Variants in ACADS observed in about 807,000 individuals in gnomAD.
ACADS encodes the protein acyl-CoA dehydrogenase short chain.
ACADS carries 28 observed loss-of-function variants against 46.8 expected under a neutral mutation model. The observed-to-expected ratio is 0.60, with a 90% confidence interval of 0.44 to 0.82. ACADS has a LOEUF of 0.82. ACADS is among the 40% of genes least tolerant of loss of function. The pLI is 0.00. For synonymous variants in ACADS, 236 were observed against 237.7 expected, an observed-to-expected ratio of 0.99 and a Z score of 0.07; for missense variants, 528 against 578.0, an observed-to-expected ratio of 0.91 and a Z score of 0.89.
chr12:120,730,386 G>A (rs1883214757), intron 2 of ACADS, among the ~76,000 whole-genome samples: 1 of 152,278 alleles, frequency 6.6e-6, no homozygotes, highest in South Asian at 2.1e-4. Context: ...TTTGGGTGTG[G>A]GAATTGTGAA....
intron 2 of ACADS, among the ~76,000 whole-genome samples, chr12:120,735,205 G>A (rs1382845405): frequency 4.1e-5 from 6 of 147,090 alleles, no homozygotes; most frequent in African/African-American, 1.2e-4. Context: ...CCAGGAGGTG[G>A]AGGTTGCAGT....
At position 120,739,393 on chromosome 12, in the gene ACADS, G is replaced by GC. The variant is rs1200879795; in HGVS notation, c.1185dup (p.Glu396ArgfsTer95). On this transcript the variant is annotated frameshift_variant, in exon 10 of 10. Coordinates refer to ENST00000242592, the MANE Select transcript of ACADS (RefSeq NM_000017.4). LOFTEE classifies it high-confidence loss of function. ...ATCACTGAGATCTACGAGGGCACCA[G>GC]CGAAATCCAGCGGCTGGTGATCGCC... The GC allele has an allele frequency of 6.2e-7, 1 of 1,612,650 alleles. No individual in the cohort carries two copies. The highest frequency in any genetic ancestry group is 8.5e-7 in the Non-Finnish European group (1 of 1,179,948).
intron 2 of ACADS, among the ~76,000 whole-genome samples, chr12:120,730,905 A>G (rs1481500688): frequency 6.6e-6 from 1 of 152,196 alleles, no homozygotes; most frequent in Non-Finnish European, 1.5e-5. Flanking sequence ...GGTGAGGTTC[A>G]TGCCTAGGCC....
At position 120,733,088 on chromosome 12, in the gene ACADS, G is replaced by A. The variant is rs558645488; in HGVS notation, c.211-3898G>A. The stretch of plus-strand genomic sequence containing the variant: ...AATACGAAAACCAGTCAGGCGTGGC[G>A]GCGCGCGCCTGCAATCGCAGGCACT... On this transcript the variant is annotated intron_variant, in intron 2 of 9. Transcript: ENST00000242592. Among the ~76,000 whole-genome samples, 932 of 152,362 alleles carry A rather than the reference G, an allele frequency of 6.1e-3. 6 individuals carry two copies. Among genetic ancestry groups the A allele is most frequent in the Admixed American group, 9.9e-3 (151 of 15,308 alleles).
intron 8 of ACADS, 81 bp from the exon 9 acceptor site, chr12:120,739,058 GC>G: frequency 6.2e-7 from 1 of 1,601,872 alleles, no homozygotes; most frequent in Non-Finnish European, 8.5e-7. Context: ...GGCTCCACAG[GC>G]CTCCCCTGCT....
intron 2 of ACADS, among the ~76,000 whole-genome samples, chr12:120,729,812 TGG>T (rs936877810): frequency 1.3e-5 from 2 of 151,974 alleles, no homozygotes; most frequent in Admixed American, 1.3e-4. Context: ...ACTGATAAAA[TGG>T]GGTGAGGTGA....
Position 120,738,657 on chromosome 12 carries a change from TC to T in ACADS, c.922del (p.Gln308ArgfsTer20). On this transcript the variant is annotated frameshift_variant, in exon 7 of 10. Transcript: ENST00000242592. LOFTEE classifies it high-confidence loss of function. ...GCCTTCGGGGCGCCCCTCACCAAGCTCCAGGTCATCCAGGTAATGGTGGCAG... is the reference window on the plus strand; with the variant it reads ...GCCTTCGGGGCGCCCCTCACCAAGCTCAGGTCATCCAGGTAATGGTGGCAG... The part of the protein sequence containing the change: ...RMAFGAPLTK[L>X]QVIQFKLADM... 1 of 1,611,982 alleles carries T rather than the reference TC, an allele frequency of 6.2e-7. No individual in the cohort carries two copies.
chr12:120,737,224 C>G, intron 3 of ACADS, 89 bp downstream of exon 3: 1 of 1,537,742 alleles, frequency 6.5e-7, no homozygotes, highest in South Asian at 1.2e-5. Flanking sequence ...CAGCCCTGAT[C>G]TCTCTGGAGA....
At position 120,728,340 on chromosome 12, in the gene ACADS, C is replaced by T. The variant is rs143241966; in HGVS notation, c.210+1151C>T. On this transcript the variant is annotated intron_variant, in intron 2 of 9. Coordinates refer to ENST00000242592, the MANE Select transcript of ACADS (RefSeq NM_000017.4). This position sits in a 1 kb window ranked among gnomAD's most constrained non-coding sequence, Gnocchi z 4.0. ...TTTGCATTCAGTCTGTCTGCAGCTA[C>T]GCGTTGAAGATGTTACTGCCGTACA... Among the ~76,000 whole-genome samples the T allele has an allele frequency of 5.3e-4, 80 of 152,228 alleles. 1 individual carries two copies. The highest frequency in any genetic ancestry group is 1.6e-3 in the African/African-American group (67 of 41,526).
Position 120,737,043 on chromosome 12 carries a change from G to C in ACADS, c.268G>C (p.Gly90Arg). 1.2e-6 allele frequency: 2 copies of C among 1,609,440 alleles called. No individual in the cohort carries two copies. The highest frequency in any genetic ancestry group is 2.2e-5 in the South Asian group (2 of 89,902). Residue 90 changes from glycine to arginine, a missense_variant, in exon 3 of 10, where the codon GGT (glycine) becomes CGT (arginine). Transcript: ENST00000242592. ...LAMDVPEELG[G>R]AGLDYLAYAI... ...CATGGACGTGCCCGAGGAGCTTGGC[G>C]GTGCTGGCCTCGATTACCTGGCCTA... is the stretch of plus-strand genomic sequence containing the variant.
chr12:120,738,960 C>T lies in ACADS; in HGVS notation c.1029+45C>T, dbSNP rs377672631. ...AGCCATGGCCCAGAATGTGGTGGGCCCAGGGACGGGGAGAGGTTGGGGCGG... is the reference window on the plus strand; with the variant it reads ...AGCCATGGCCCAGAATGTGGTGGGCTCAGGGACGGGGAGAGGTTGGGGCGG... On this transcript the variant is annotated intron_variant, in intron 8 of 9. Coordinates refer to ENST00000242592, the MANE Select transcript of ACADS (RefSeq NM_000017.4). 2.0e-4 allele frequency: 327 copies of T among 1,609,832 alleles called. 1 individual carries two copies. In the African/African-American group the frequency reaches 3.8e-3, roughly 19 times the overall value.
Position 120,737,102 on chromosome 12 carries a change from C to A in ACADS, c.327C>A (p.Cys109Ter). ...AIAMEEISRG[C>*]ASTGVIMSVN... ...CCATGGAGGAGATCAGCCGTGGCTG[C>A]GCCTCCACCGGAGTCATCATGAGTG... Residue 109 changes from cysteine to a stop codon, truncating the protein, a stop_gained, in exon 3 of 10, where the codon TGC (cysteine) becomes TGA (stop). Coordinates refer to ENST00000242592, the MANE Select transcript of ACADS (RefSeq NM_000017.4). LOFTEE classifies it high-confidence loss of function. The A allele has an allele frequency of 6.3e-7, 1 of 1,592,194 alleles. No homozygotes were observed. The highest frequency in any genetic ancestry group is 1.1e-5 in the South Asian group (1 of 87,832).
intron 4 of ACADS, 148 bp from the exon 5 acceptor site, chr12:120,737,689 C>G: frequency 8.0e-7 from 1 of 1,242,708 alleles, no homozygotes; most frequent in Non-Finnish European, 1.1e-6. Flanking sequence ...GCCCTCTGGT[C>G]CCATCACTGA....
chr12:120,738,701 A>G (rs556827944), intron 7 of ACADS, 31 bp downstream of exon 7: 2 of 1,610,100 alleles, frequency 1.2e-6, no homozygotes, highest in African/African-American at 2.7e-5. Context: ...AGCTGGGCCT[A>G]GAGGCTGGAC....
Position 120,728,590 on chromosome 12 carries a change from C to T in ACADS, c.210+1401C>T, listed in dbSNP as rs932933449. Among the ~76,000 whole-genome samples, 10 of 151,618 alleles carry T rather than the reference C, an allele frequency of 6.6e-5. No individual in the cohort carries two copies. Among genetic ancestry groups the T allele is most frequent in the East Asian group, 5.9e-4 (3 of 5,112 alleles). On this transcript the variant is annotated intron_variant, in intron 2 of 9. Transcript: ENST00000242592. The surrounding 1 kb of genome is among the most constrained non-coding windows in gnomAD (Gnocchi z 4.0). ...CGCGATCTCGGCTCACTGCAACCTC[C>T]GCCTTCTGAGTTCAAACAATTGTTT...
chr12:120,733,498 ACT>A lies in ACADS; in HGVS notation c.211-3482_211-3481del, dbSNP rs747679777. On this transcript the variant is annotated intron_variant, in intron 2 of 9. Coordinates refer to ENST00000242592, the MANE Select transcript of ACADS (RefSeq NM_000017.4). Reference sequence around the variant, plus strand: ...CCAGGTCCTCTTCCTAGTGAAAAGCACTCTCTCACTTGGACTTCCCCTTCCCT... The same window carrying A: ...CCAGGTCCTCTTCCTAGTGAAAAGCACTCTCACTTGGACTTCCCCTTCCCT... Among the ~76,000 whole-genome samples the A allele has an allele frequency of 9.3e-5, 14 of 151,046 alleles. No homozygotes were observed. The East Asian group carries it at 1.8e-3, about 19-fold the overall frequency.
At chr12:120,737,328 C>A in intron 3 of ACADS, 28 bp from the exon 4 acceptor site, 1 of 1,606,012 alleles carries the variant, frequency 6.2e-7, no homozygotes, top group Non-Finnish European at 8.5e-7. Context: ...GGCCTGGGGC[C>A]TCCGACCGCT....
Position 120,737,066 on chromosome 12 carries a change from C to T in ACADS, c.291C>T (p.Ala97=). ...GCGGTGCTGGCCTCGATTACCTGGC[C>T]TACGCCATCGCCATGGAGGAGATCA... ...ELGGAGLDYL[A]YAIAMEEISR... is the part of the protein sequence containing the mutation. Residue 97 remains alanine (A), a synonymous_variant, in exon 3 of 10, where the codon GCC becomes GCT. Coordinates refer to ENST00000242592, the MANE Select transcript of ACADS (RefSeq NM_000017.4). 2 of 1,605,002 alleles carry T rather than the reference C, an allele frequency of 1.2e-6. No homozygotes were observed. The highest frequency in any genetic ancestry group is 1.7e-6 in the Non-Finnish European group (2 of 1,176,026).
chr12:120,727,857 C>T (rs922702972), intron 2 of ACADS, among the ~76,000 whole-genome samples: 1 of 151,338 alleles, frequency 6.6e-6, no homozygotes, highest in African/African-American at 2.4e-5. Context: ...TATTATATAC[C>T]CCATGGACTC....
Sources: allele counts gnomAD v4.1 joint callset (sites outside exome capture counted in the v4.1 genomes callset), GRCh38; gene constraint gnomAD v4.1.1; non-coding constraint Gnocchi (gnomAD v3.1); transcripts MANE v1.5; gene names NCBI Gene and HGNC (gene_info 2026-07-23, HGNC 2026-07-21).